Variants in SLC41A3 observed in about 807,000 individuals in gnomAD.
SLC41A3 encodes SLC41A1-like 2.
SLC41A3 carries 44 observed loss-of-function variants against 45.4 expected under a neutral mutation model. The ratio of observed to expected loss-of-function variants is 0.97; its 90% CI spans 0.76 to 1.25. The LOEUF (loss-of-function observed/expected upper bound fraction) is 1.25, where lower values mean the gene tolerates loss of function less well. Among genes scored for constraint, SLC41A3 ranks in the 50% most tolerant of loss-of-function variants. The probability of loss-of-function intolerance (pLI) is 0.00; values close to 1 mark genes in which losing one functional copy is unlikely to be tolerated. For missense variants in SLC41A3, 550 were observed against 600.6 expected, an observed-to-expected ratio of 0.92 and a Z score of 0.88; for synonymous variants, 256 against 252.4, an observed-to-expected ratio of 1.01 and a Z score of -0.13.
At chr3:126,054,549 TG>T (rs1213331789) in intron 2 of SLC41A3, among the ~76,000 whole-genome samples, 3 of 152,086 alleles carry the variant, frequency 2.0e-5, no homozygotes, top group African/African-American at 4.8e-5. Context: ...CGGCCACCCC[TG>T]TCTCTCACTT....
chr3:126,041,117 G>A (rs1047810962), intron 3 of SLC41A3, among the ~76,000 whole-genome samples: 1 of 152,102 alleles, frequency 6.6e-6, no homozygotes, highest in African/African-American at 2.4e-5. Context: ...ATAGCACAGT[G>A]GTTGAAGAGA....
rs193053599 is a variant in SLC41A3, at chr3:126,083,204, G to A, written c.-28+889C>T. ...CACGAGGAGGACCTGCTAAAGACAA[G>A]TATGGGGACCCACCCCCAAGGTTTA... is the stretch of plus-strand genomic sequence containing the variant. On this transcript the variant is annotated intron_variant, in intron 1 of 10. Coordinates refer to ENST00000360370, the MANE Select transcript of SLC41A3 (RefSeq NM_017836.4). 9.1e-3 allele frequency among the ~76,000 whole-genome samples: 1,381 copies of A among 152,290 alleles called. 11 individuals carry two copies. The highest frequency in any genetic ancestry group is 0.012 in the Non-Finnish European group (802 of 68,026).
intron 1 of SLC41A3, among the ~76,000 whole-genome samples, chr3:126,089,576 C>T (rs11714867): frequency 0.078 from 11,893 of 152,178 alleles, 564 homozygotes; most frequent in African/African-American, 0.12. Flanking sequence ...AACCCACATA[C>T]TATAGGGTAG....
At chr3:126,092,142 G>T (rs2365016) in intron 1 of SLC41A3, among the ~76,000 whole-genome samples, 6 of 152,166 alleles carry the variant, frequency 3.9e-5, no homozygotes, top group African/African-American at 1.4e-4. Flanking sequence ...GGCCCCAAAA[G>T]TGGCCATAAA....
chr3:126,056,680 C>T (rs906537494), intron 2 of SLC41A3: 44 of 1,453,210 alleles, frequency 3.0e-5, no homozygotes, highest in South Asian at 2.3e-4. Flanking sequence ...TCCCAGTCAC[C>T]AGGTGCCCTG....
chr3:126,007,385 G>A (rs1246369724), intron 10 of SLC41A3, among the ~76,000 whole-genome samples, 160 bp from the exon 11 acceptor site: 5 of 152,090 alleles, frequency 3.3e-5, no homozygotes, highest in East Asian at 1.9e-4. Flanking sequence ...GCCCAGCTCC[G>A]AGCTCAAGCA....
intron 3 of SLC41A3, among the ~76,000 whole-genome samples, chr3:126,038,763 T>A (rs1942379737): frequency 6.6e-6 from 1 of 152,188 alleles, no homozygotes; most frequent in South Asian, 2.1e-4. Flanking sequence ...TATTTTGTAA[T>A]GGGAGAAGAA....
intron 1 of SLC41A3, among the ~76,000 whole-genome samples, chr3:126,079,290 A>C (rs957319459): frequency 6.6e-6 from 1 of 151,952 alleles, no homozygotes; most frequent in East Asian, 1.9e-4. Flanking sequence ...ACACACACAC[A>C]CACACACACA....
At position 126,016,789 on chromosome 3, in the gene SLC41A3, T is replaced by C. The variant is rs748474327; in HGVS notation, c.832A>G (p.Ile278Val). The change falls in exon 7 of 11, where the codon ATC becomes GTC. Residue 278 changes from isoleucine (I) to valine (V), a missense_variant. Physicochemically the swap from Ile to Val is conservative, Grantham distance 29. Coordinates refer to ENST00000360370, the MANE Select transcript of SLC41A3 (RefSeq NM_017836.4). ...WVLIAKQSPPIVKILKFGWFP... is the reference protein window; with the variant it reads ...WVLIAKQSPPVVKILKFGWFP... ...CAGCCAAACTTCAGGATCTTCACGA[T>C]GGGTGGGCTCTGCTTGGCAATGAGG... is the stretch of plus-strand genomic sequence containing the variant. The C allele has an allele frequency of 7.4e-6, 12 of 1,612,720 alleles. No individual in the cohort carries two copies. In the South Asian group the frequency reaches 1.2e-4, roughly 16 times the overall value.
At chr3:126,008,619 C>T in intron 10 of SLC41A3, 113 bp downstream of exon 10, 2 of 1,461,514 alleles carry the variant, frequency 1.4e-6, no homozygotes, top group Non-Finnish European at 1.9e-6. Context: ...GGACTGTGCC[C>T]CACACGTCCA....
In SLC41A3 at chr3:126,007,067, C is replaced by T; in HGVS notation, c.1413G>A (p.Lys471=). Residue 471 remains lysine (K), a synonymous_variant, in exon 11 of 11, where the codon AAG becomes AAA. Coordinates refer to ENST00000360370, the MANE Select transcript of SLC41A3 (RefSeq NM_017836.4). ...AGATGCCACCCAGCTCTGCCTTGCT[C>T]TTCAGTAGCCAGTCAGTGAAAAAGC... The part of the protein sequence containing the change: ...ALCFFTDWLL[K]SKAELGGISE... The T allele has an allele frequency of 2.5e-6, 4 of 1,614,190 alleles. No homozygotes were observed. The highest frequency in any genetic ancestry group is 2.2e-5 in the East Asian group (1 of 44,874).
chr3:126,101,261 T>C (rs1176102048), intron 1 of SLC41A3, among the ~76,000 whole-genome samples: 2 of 152,254 alleles, frequency 1.3e-5, no homozygotes, highest in African/African-American at 4.8e-5. Flanking sequence ...CCAGATCCTG[T>C]TGACTAGAAC....
chr3:126,017,716 C>G (rs944592749), intron 6 of SLC41A3, among the ~76,000 whole-genome samples: 1 of 152,162 alleles, frequency 6.6e-6, no homozygotes, highest in Non-Finnish European at 1.5e-5. Flanking sequence ...CTCAGGGGTA[C>G]CCAGGCATGG....
At chr3:126,099,638 T>C (rs1945669827) in intron 1 of SLC41A3, among the ~76,000 whole-genome samples, 2 of 152,140 alleles carry the variant, frequency 1.3e-5, no homozygotes, top group Admixed American at 1.3e-4. Context: ...AGGGGGAAGT[T>C]GCAGTGTGCT....
intron 1 of SLC41A3, among the ~76,000 whole-genome samples, chr3:126,080,228 C>A (rs1945082517): frequency 1.3e-5 from 2 of 151,934 alleles, no homozygotes; most frequent in Admixed American, 1.3e-4. Flanking sequence ...TTACATCAAG[C>A]TAAAAAGTTT....
intron 2 of SLC41A3, among the ~76,000 whole-genome samples, chr3:126,052,665 G>T (rs1576315015): frequency 6.6e-6 from 1 of 152,000 alleles, no homozygotes; most frequent in Non-Finnish European, 1.5e-5. Flanking sequence ...TCCCCTCCAC[G>T]GATAAAGCAC....
intron 1 of SLC41A3, among the ~76,000 whole-genome samples, chr3:126,090,558 C>T (rs1945470651): frequency 6.6e-6 from 1 of 152,082 alleles, no homozygotes; most frequent in Admixed American, 6.5e-5. Flanking sequence ...AATTGGTGCC[C>T]TAATTGAATA....
intron 3 of SLC41A3, among the ~76,000 whole-genome samples, chr3:126,047,749 GAATC>G (rs144841643): frequency 0.054 from 8,257 of 152,178 alleles, 696 homozygotes; most frequent in African/African-American, 0.18. Flanking sequence ...AACTCTAAAT[GAATC>G]AAAGACCTAA....
chr3:126,048,805 T>G (rs1204002895), intron 3 of SLC41A3, among the ~76,000 whole-genome samples: 2 of 152,186 alleles, frequency 1.3e-5, no homozygotes, highest in Non-Finnish European at 2.9e-5. Flanking sequence ...ATGGAGATGT[T>G]CTGTGTCTCA....
Sources: allele counts gnomAD v4.1 joint callset (sites outside exome capture counted in the v4.1 genomes callset), GRCh38; gene constraint gnomAD v4.1.1; transcripts MANE v1.5; gene names NCBI Gene and HGNC (gene_info 2026-07-23, HGNC 2026-07-21).